ADAMTS10: variants seen among roughly 807,000 people sequenced by gnomAD.
ADAMTS10 encodes A disintegrin and metalloproteinase with thrombospondin motifs 10.
A neutral mutation model predicts 135.9 loss-of-function variants in ADAMTS10; 48 were observed. The ratio of observed to expected loss-of-function variants is 0.35; its 90% confidence interval spans 0.28 to 0.45. ADAMTS10 has a LOEUF of 0.45. Among genes scored for constraint, ADAMTS10 ranks in the 20% least tolerant of loss-of-function variants. The pLI is 1.00. For missense variants in ADAMTS10, 1,131 were observed against 1,565.2 expected (o/e 0.72, Z 4.68); for synonymous variants, 621 against 647.5 (o/e 0.96, Z 0.62).
At chr19:8,599,690 G>A (rs918915384) in intron 6 of ADAMTS10, among the ~76,000 whole-genome samples, 4 of 152,040 alleles carry the variant, frequency 2.6e-5, no homozygotes, top group Non-Finnish European at 5.9e-5. Flanking sequence ...AACCCACTGC[G>A]TCTCAAACTC....
chr19:8,581,130 C>CCTTTTTT (rs1491576985), intron 25 of ADAMTS10, 128 bp from the exon 26 acceptor site: 1 of 136,668 alleles, frequency 7.3e-6, no homozygotes. Context: ...TTTAAATTTA[C>CCTTTTTT]TTTTTTTTTT....
rs1211905722 is a variant in ADAMTS10, at chr19:8,596,906, G to A, written c.1040+81C>T. 16 of 1,593,392 alleles carry A rather than the reference G, an allele frequency of 1.0e-5. No homozygotes were observed. The highest frequency in any genetic ancestry group is 1.4e-5 in the Non-Finnish European group (16 of 1,173,682). On this transcript the variant is annotated intron_variant, in intron 8 of 25. Transcript: ENST00000597188. The surrounding 1 kb of genome is among the most constrained non-coding windows in gnomAD (Gnocchi z 7.2). ...TCTGCTCCTCCTGACCCTAGCAGAA[G>A]TGATCTCTGTTTGGACTCTCATGGT...
chr19:8,595,698 T>TGCCCG, intron 12 of ADAMTS10, 64 bp downstream of exon 12: 5 of 1,291,924 alleles, frequency 3.9e-6, no homozygotes, highest in Non-Finnish European at 5.4e-6. Flanking sequence ...CTGGTGGAGT[T>TGCCCG]CCCTCCCCCA....
chr19:8,605,640 T>A lies in ADAMTS10; in HGVS notation c.71A>T (p.His24Leu), dbSNP rs2042713859. Reference sequence around the variant, plus strand: ...TCCCCTACCTTGAGACCGGAAGGCGTGCGTGACCTCGAACATGAGGCCCAG... The same window carrying A: ...TCCCCTACCTTGAGACCGGAAGGCGAGCGTGACCTCGAACATGAGGCCCAG... The part of the protein sequence containing the change: ...LGLGLMFEVT[H>L]AFRSQDEFLS... Residue 24 changes from histidine to leucine, a missense_variant, in exon 3 of 26, where the codon CAC (histidine) becomes CTC (leucine). By Grantham distance (99) the His-to-Leu change is moderately conservative. Coordinates refer to ENST00000597188, the MANE Select transcript of ADAMTS10 (RefSeq NM_030957.4). The surrounding 1 kb of genome is among the most constrained non-coding windows in gnomAD (Gnocchi z 7.7). 3 of 1,613,450 alleles carry A rather than the reference T, an allele frequency of 1.9e-6. No homozygotes were observed. The highest frequency in any genetic ancestry group is 2.5e-6 in the Non-Finnish European group (3 of 1,179,902).
intron 13 of ADAMTS10, among the ~76,000 whole-genome samples, chr19:8,592,562 A>T (rs1339860940): frequency 1.3e-5 from 2 of 150,946 alleles, no homozygotes; most frequent in Non-Finnish European, 3.0e-5. Context: ...GCCAGAACCA[A>T]GGGACGCATA....
chr19:8,585,806 G>T, intron 22 of ADAMTS10, 146 bp from the exon 23 acceptor site: 1 of 899,180 alleles, frequency 1.1e-6, no homozygotes, highest in Non-Finnish European at 1.7e-6. Context: ...TCCACACTTG[G>T]GGCATCGTTA....
Position 8,585,445 on chromosome 19 carries a change from G to T in ADAMTS10, c.2865+11C>A, listed in dbSNP as rs367808475. 1,342 of 1,537,306 alleles carry T rather than the reference G, an allele frequency of 8.7e-4. 12 individuals are homozygous for T. In the African/African-American group the frequency reaches 0.016, roughly 19 times the overall value. ...GCATCCCAGTGGGCGCGAAGGAAGG[G>T]GGCGGCTGACCTCAGACCAGTCGAG... On this transcript the variant is annotated intron_variant, in intron 23 of 25. Coordinates refer to ENST00000597188, the MANE Select transcript of ADAMTS10 (RefSeq NM_030957.4).
chr19:8,582,101 C>T (rs1219429351), intron 25 of ADAMTS10, among the ~76,000 whole-genome samples: 3 of 152,046 alleles, frequency 2.0e-5, no homozygotes, highest in Non-Finnish European at 4.4e-5. Context: ...CTTTCCTTTC[C>T]ATTGTTCCTT....
intron 22 of ADAMTS10, among the ~76,000 whole-genome samples, 164 bp downstream of exon 22, chr19:8,585,958 T>C (rs931638858): frequency 6.6e-6 from 1 of 152,100 alleles, no homozygotes; most frequent in Non-Finnish European, 1.5e-5. Context: ...CACTATTACC[T>C]TGGACTCCCC....
Position 8,597,044 on chromosome 19 carries a change from C to T in ADAMTS10, c.983G>A (p.Gly328Asp), listed in dbSNP as rs2042613217. 1 of 1,614,034 alleles carries T rather than the reference C, an allele frequency of 6.2e-7. No individual in the cohort carries two copies. The highest frequency in any genetic ancestry group is 8.5e-7 in the Non-Finnish European group (1 of 1,180,046). ...QKSIVNHSGH[G>D]NAIPENGVAN... ...CACACCGTTCTCTGGAATGGCATTG[C>T]CATGGCCGCTGTGGTTCACGATGGA... The change falls in exon 8 of 26, where the codon GGC (glycine) becomes GAC (aspartate). Residue 328 changes from glycine (G) to aspartate (D), a missense_variant. Gly to Asp is a moderately conservative substitution (Grantham distance 94). Transcript: ENST00000597188.
In ADAMTS10 at chr19:8,601,248, A is replaced by T. The variant is rs1433373334; in HGVS notation, c.593-103T>A. 3 of 1,243,258 alleles carry T rather than the reference A, an allele frequency of 2.4e-6. No individual in the cohort carries two copies. Among genetic ancestry groups the T allele is most frequent in the Non-Finnish European group, 3.4e-6 (3 of 879,686 alleles). The allele number at this position is 1,243,258 out of a possible 1,614,324, so 77.0% of individuals were successfully genotyped here. ...CTCTGACTGGCTACCTCTCTACCCA[A>T]CAGTCTGGACAGACAATTTCTGGTC... is the stretch of plus-strand genomic sequence containing the variant. On this transcript the variant is annotated intron_variant, in intron 5 of 25. Transcript: ENST00000597188. This position sits in a 1 kb window ranked among gnomAD's most constrained non-coding sequence, Gnocchi z 4.6.
Position 8,595,817 on chromosome 19 carries a change from G to C in ADAMTS10, c.1424C>G (p.Ala475Gly), listed in dbSNP as rs1555739998. The C allele has an allele frequency of 6.2e-7, 1 of 1,614,162 alleles. No individual in the cohort carries two copies. The highest frequency in any genetic ancestry group is 2.2e-5 in the East Asian group (1 of 44,886). ...ATGCTGAAAGCGGCATTGCTCATCTGCATCGTAGGCTTGGCCCGGTGCCAC... is the reference window on the plus strand; with the variant it reads ...ATGCTGAAAGCGGCATTGCTCATCTCCATCGTAGGCTTGGCCCGGTGCCAC... ...PTVAPGQAYD[A>G]DEQCRFQHGV... is the part of the protein sequence containing the mutation. The change falls in exon 12 of 26, where the codon GCA becomes GGA. Residue 475 changes from alanine to glycine, a missense_variant. Ala to Gly is a moderately conservative substitution (Grantham distance 60). Coordinates refer to ENST00000597188, the MANE Select transcript of ADAMTS10 (RefSeq NM_030957.4).
rs781843238 is a variant in ADAMTS10, at chr19:8,585,231, G to A, written c.2943C>T (p.Pro981=). ...TGGCGGCGGGTGAGCAGTGCGCCGG[G>A]GGCAGCGTGGCGCGGTGGTCTGCGC... ...CKSADHRATL[P]PAHCSPAAKP... is the part of the protein sequence containing the mutation. The change falls in exon 24 of 26, where the codon CCC becomes CCT. Residue 981 remains proline (P), a synonymous_variant. Coordinates refer to ENST00000597188, the MANE Select transcript of ADAMTS10 (RefSeq NM_030957.4). The A allele has an allele frequency of 1.4e-6, 2 of 1,460,052 alleles. No homozygotes were observed. Among genetic ancestry groups the A allele is most frequent in the East Asian group, 2.6e-5 (1 of 39,004 alleles). 90.4% of individuals were successfully genotyped at this position (1,460,052 alleles called of 1,614,324 possible). A position where few individuals can be genotyped will look rare whatever the true frequency, so the allele number is the denominator to read the frequency against.
intron 12 of ADAMTS10, 64 bp downstream of exon 12, chr19:8,595,698 T>TGCCACCCCCC: frequency 3.9e-6 from 5 of 1,291,948 alleles, no homozygotes; most frequent in Non-Finnish European, 5.4e-6. Context: ...CTGGTGGAGT[T>TGCCACCCCCC]CCCTCCCCCA....
At position 8,584,958 on chromosome 19, in the gene ADAMTS10, G is replaced by A. The variant is rs1555736434; in HGVS notation, c.3139C>T (p.Pro1047Ser). Residue 1047 changes from proline to serine, a missense_variant, in exon 25 of 26, where the codon CCG (proline) becomes TCG (serine). Transcript: ENST00000597188. ...GCCTCACACTGCTGCGTGGTGGGCG[G>A]CCGCAGGGCCTCCGTGCACTCGTGC... The part of the protein sequence containing the change: ...ASHECTEALR[P>S]PTTQQCEAKC... 6.5e-7 allele frequency: 1 copy of A among 1,547,836 alleles called. No homozygotes were observed.
rs1555740489 is a variant in ADAMTS10 at position 8,597,234 on chromosome 19, C to T, written c.894G>A (p.Gln298=). The change falls in exon 7 of 26, where the codon CAG becomes CAA. Residue 298 remains glutamine (Q), a splice_region_variant and synonymous_variant. Coordinates refer to ENST00000597188, the MANE Select transcript of ADAMTS10 (RefSeq NM_030957.4). ...GGGAAGGGGAGGAAGTCCCCCGCAC[C>T]TGGTCCTCCGTGAGCAGGATGAGGC... ...VTRLILLTED[Q]PTLEITHHAG... 1 of 1,614,138 alleles carries T rather than the reference C, an allele frequency of 6.2e-7. No homozygotes were observed. The highest frequency in any genetic ancestry group is 8.5e-7 in the Non-Finnish European group (1 of 1,180,050).
Position 8,591,770 on chromosome 19 carries a change from CCA to C in ADAMTS10, c.1797+28_1797+29del, listed in dbSNP as rs1486284400. The C allele has an allele frequency of 2.5e-6, 4 of 1,612,302 alleles. No homozygotes were observed. In the African/African-American group the frequency reaches 4.0e-5, roughly 16 times the overall value. ...TAGCTGTTTTTAATGCTTCCTCCCC[CCA>C]CCCCTCAAGGGGTTTGGGGGAACTC... On this transcript the variant is annotated intron_variant, in intron 15 of 25. Coordinates refer to ENST00000597188, the MANE Select transcript of ADAMTS10 (RefSeq NM_030957.4).
intron 18 of ADAMTS10, among the ~76,000 whole-genome samples, chr19:8,588,713 A>G (rs1555737940): frequency 2.0e-5 from 3 of 152,082 alleles, no homozygotes; most frequent in Non-Finnish European, 4.4e-5. Flanking sequence ...GAGGATGGAA[A>G]GTGATGCTTG....
chr19:8,593,158 A>G, intron 12 of ADAMTS10: 1 of 510,430 alleles, frequency 2.0e-6, no homozygotes, highest in Non-Finnish European at 3.6e-6. Context: ...TCAGACAGGT[A>G]AGGTCACACA....
Sources: allele counts gnomAD v4.1 joint callset (sites outside exome capture counted in the v4.1 genomes callset), GRCh38; gene constraint gnomAD v4.1.1; non-coding constraint Gnocchi (gnomAD v3.1); transcripts MANE v1.5; gene names NCBI Gene and HGNC (gene_info 2026-07-23, HGNC 2026-07-21).